Variants in MALRD1 observed in about 807,000 individuals in gnomAD.
The protein encoded by MALRD1 is MAM and LDL-receptor class A domain-containing protein 1.
A neutral mutation model predicts 242.1 loss-of-function variants in MALRD1; 247 were observed. The observed-to-expected ratio is 1.02, with a 90% CI of 0.92 to 1.13. The LOEUF (loss-of-function observed/expected upper bound fraction) is 1.13, where lower values mean the gene tolerates loss of function less well. Ranked by LOEUF, MALRD1 falls within the 50% of genes most tolerant of loss-of-function variation. The pLI, the probability that MALRD1 is intolerant of heterozygous loss-of-function variation, is 0.00. For missense variants in MALRD1, 2,989 were observed against 2,533.1 expected (o/e 1.18, Z -3.86); for synonymous variants, 995 against 866.6 (o/e 1.15, Z -2.60).
chr10:19,719,209 T>C (rs1436037791), intron 38 of MALRD1, among the ~76,000 whole-genome samples: 12 of 37,068 alleles, frequency 3.2e-4, no homozygotes, highest in Admixed American at 2.3e-3. Context: ...TATATATATA[T>C]ATACACATAC....
chr10:19,545,293 T>G (rs1835162850), intron 32 of MALRD1, among the ~76,000 whole-genome samples: 1 of 152,172 alleles, frequency 6.6e-6, no homozygotes, highest in Admixed American at 6.5e-5. Context: ...ATTCTGAGGT[T>G]CTGTGGTTTA....
rs780657507 is a variant in MALRD1, at chr10:19,607,884, G to C, written c.6052G>C (p.Asp2018His). 2.6e-5 allele frequency: 40 copies of C among 1,549,548 alleles called. No homozygotes were observed. In the Middle Eastern group the frequency reaches 1.3e-3, roughly 52 times the overall value. Residue 2018 changes from aspartate to histidine, a missense_variant, in exon 35 of 40, where the codon GAT becomes CAT. Transcript: ENST00000454679. ...GFADCMDFQL[D>H]ESSCSECPLN... ...TGCCGACTGCATGGATTTCCAGCTT[G>C]ATGAGTCCAGCTGCTCCGGTACCCC...
chr10:19,348,002 G>T lies in MALRD1; in HGVS notation c.4133G>T (p.Arg1378Ile). 6.5e-7 allele frequency: 1 copy of T among 1,550,100 alleles called. No homozygotes were observed. The highest frequency in any genetic ancestry group is 8.7e-7 in the Non-Finnish European group (1 of 1,146,702). ...ARISSPVISK[R>I]SKNCKIIFHY... ...ATTTCAAGTCCAGTTATAAGTAAGA[G>T]AAGCAAAAACTGCAAGGTATGGGGA... Residue 1378 changes from arginine to isoleucine, a missense_variant, in exon 25 of 40, where the codon AGA becomes ATA. Transcript: ENST00000454679.
chr10:19,645,930 A>G (rs567790026), intron 36 of MALRD1, among the ~76,000 whole-genome samples: 47 of 152,308 alleles, frequency 3.1e-4, no homozygotes, highest in African/African-American at 1.1e-3. Context: ...TTATTTTTAA[A>G]TAGTAAATTA....
At chr10:19,106,473 C>T (rs931635770) in intron 5 of MALRD1, among the ~76,000 whole-genome samples, 3 of 151,598 alleles carry the variant, frequency 2.0e-5, no homozygotes, top group African/African-American at 7.3e-5. Flanking sequence ...TTCTGTGCAA[C>T]CAGTCATAAT....
At chr10:19,634,162 C>G (rs1209085675) in intron 36 of MALRD1, among the ~76,000 whole-genome samples, 1 of 151,932 alleles carries the variant, frequency 6.6e-6, no homozygotes. Flanking sequence ...TCTTAAAATA[C>G]CTGCCAGGCC....
intron 31 of MALRD1, among the ~76,000 whole-genome samples, chr10:19,526,268 T>C (rs900435876): frequency 2.6e-5 from 4 of 151,984 alleles, no homozygotes; most frequent in African/African-American, 9.6e-5. Context: ...TGTTATAACA[T>C]TGAGATACAG....
At chr10:19,667,616 G>C (rs1841730724) in intron 36 of MALRD1, among the ~76,000 whole-genome samples, 1 of 137,934 alleles carries the variant, frequency 7.2e-6, no homozygotes. Flanking sequence ...TCTCTCTCTT[G>C]CTTACCACTG....
intron 36 of MALRD1, among the ~76,000 whole-genome samples, chr10:19,646,690 G>A (rs1421859273): frequency 1.3e-5 from 2 of 152,136 alleles, no homozygotes; most frequent in Non-Finnish European, 2.9e-5. Flanking sequence ...TAGGAGGTAA[G>A]TACTGTTTAT....
intron 28 of MALRD1, among the ~76,000 whole-genome samples, chr10:19,420,560 C>A (rs1366002633): frequency 6.6e-6 from 1 of 151,864 alleles, no homozygotes; most frequent in Non-Finnish European, 1.5e-5. Flanking sequence ...TTAACTAATG[C>A]TCATCAGTGA....
intron 3 of MALRD1, 31 bp downstream of exon 3, chr10:19,087,965 T>G (rs1835730811): frequency 8.1e-7 from 1 of 1,232,282 alleles, no homozygotes; most frequent in African/African-American, 1.5e-5. Flanking sequence ...TTTTAAATAT[T>G]TTGTCACATT....
chr10:19,604,387 A>G (rs371780370), intron 34 of MALRD1, among the ~76,000 whole-genome samples: 1 of 152,190 alleles, frequency 6.6e-6, no homozygotes, highest in East Asian at 1.9e-4. Flanking sequence ...TATTTGACAC[A>G]TTCCCTCTGC....
intron 19 of MALRD1, among the ~76,000 whole-genome samples, chr10:19,266,884 G>T (rs879784815): frequency 2.0e-5 from 3 of 151,950 alleles, no homozygotes; most frequent in Admixed American, 1.3e-4. Context: ...ATATAGGAAT[G>T]ATGATTCCTT....
At chr10:19,179,522 C>T (rs1835406967) in intron 14 of MALRD1, among the ~76,000 whole-genome samples, 1 of 152,010 alleles carries the variant, frequency 6.6e-6, no homozygotes, top group Non-Finnish European at 1.5e-5. Flanking sequence ...TGGTGGCACA[C>T]ACCTGTAATC....
intron 33 of MALRD1, among the ~76,000 whole-genome samples, chr10:19,571,361 T>C (rs1277472600): frequency 6.6e-6 from 1 of 152,120 alleles, no homozygotes; most frequent in Non-Finnish European, 1.5e-5. Context: ...ACAGAATTTT[T>C]AGATGTTCAA....
intron 30 of MALRD1, among the ~76,000 whole-genome samples, chr10:19,496,767 A>T (rs72788553): frequency 0.14 from 21,685 of 152,212 alleles, 1,803 homozygotes; most frequent in Middle Eastern, 0.22. Context: ...AATATTTTTA[A>T]ATTAATAGGG....
chr10:19,104,824 T>C (rs1380950785), intron 5 of MALRD1, among the ~76,000 whole-genome samples: 1 of 152,126 alleles, frequency 6.6e-6, no homozygotes, highest in Non-Finnish European at 1.5e-5. Context: ...AGAAGAGATG[T>C]CTTCATCTAC....
chr10:19,194,816 T>C (rs1836161019), intron 14 of MALRD1, among the ~76,000 whole-genome samples: 1 of 152,206 alleles, frequency 6.6e-6, no homozygotes, highest in Admixed American at 6.6e-5. Context: ...CTTTTTCCCC[T>C]GTAATCAGGA....
At chr10:19,116,818 G>T (rs1424390558) in intron 5 of MALRD1, among the ~76,000 whole-genome samples, 1 of 152,188 alleles carries the variant, frequency 6.6e-6, no homozygotes, top group East Asian at 1.9e-4. Flanking sequence ...GTTGGGCACA[G>T]TGGCTCACAC....
Sources: gnomAD v4.1 joint callset for allele counts (sites outside exome capture counted in the v4.1 genomes callset) on GRCh38, gnomAD v4.1.1 for gene constraint, MANE v1.5 for transcripts, NCBI Gene and HGNC (gene_info 2026-07-23, HGNC 2026-07-21) for gene names.